The following TEX15 variants were observed in gnomAD, a reference collection of about 807,000 sequenced individuals.
TEX15 encodes testis-expressed protein 15.
A neutral mutation model predicts 237.3 loss-of-function variants in TEX15; 171 were observed. That is an observed-to-expected ratio of 0.72 (90% CI 0.64 to 0.82). The LOEUF (loss-of-function observed/expected upper bound fraction) is 0.82. Among genes scored for constraint, TEX15 ranks in the 40% least tolerant of loss-of-function variants. The pLI is 0.00. For missense variants in TEX15, 3,750 were observed against 3,646.5 expected (o/e 1.03, Z -0.73); for synonymous variants, 1,338 against 1,269.8 (o/e 1.05, Z -1.14).
In TEX15 at chr8:30,844,681, G is replaced by A. The variant is rs778620015; in HGVS notation, c.5486C>T (p.Ser1829Phe). 3.1e-6 allele frequency: 5 copies of A among 1,613,216 alleles called. No individual in the cohort carries two copies. The highest frequency in any genetic ancestry group is 3.4e-6 in the Non-Finnish European group (4 of 1,179,588). ...TTTCTTCACAATACATGTTTCTGAA[G>A]AGGAGCCTTTTACATTATCTTTTAA... Reference protein sequence around the residue: ...LLLKDNVKGSSSETCIVKKDT... With the variant: ...LLLKDNVKGSFSETCIVKKDT... The change falls in exon 8 of 11, where the codon TCT becomes TTT. Residue 1829 changes from serine to phenylalanine, a missense_variant. Physicochemically the swap from Ser to Phe is radical, Grantham distance 155. Transcript: ENST00000643185.
Position 30,847,992 on chromosome 8 carries a change from A to T in TEX15, c.2175T>A (p.Pro725=). The T allele has an allele frequency of 6.2e-7, 1 of 1,613,964 alleles. No individual in the cohort carries two copies. The highest frequency in any genetic ancestry group is 2.2e-5 in the East Asian group (1 of 44,854). The change falls in exon 8 of 11, where the codon CCT becomes CCA. Residue 725 remains proline (P), a synonymous_variant. Coordinates refer to ENST00000643185, the MANE Select transcript of TEX15 (RefSeq NM_001350162.2). The part of the protein sequence containing the change: ...PSFESLSQKH[P]QHSVEYEGNI... The stretch of plus-strand genomic sequence containing the variant: ...TACCCTCATACTCCACAGAGTGCTG[A>T]GGATGCTTTTGTGACAGGCTCTCAA...
Position 30,847,737 on chromosome 8 carries a change from A to G in TEX15, c.2430T>C (p.Asn810=), listed in dbSNP as rs1162801438. The change falls in exon 8 of 11, where the codon AAT becomes AAC. Residue 810 remains asparagine, a synonymous_variant. Coordinates refer to ENST00000643185, the MANE Select transcript of TEX15 (RefSeq NM_001350162.2). ...TREHICVHRK[N]ENEPVSLENI... ...TCTCTAATGACACTGGTTCATTTTC[A>G]TTTTTCCTATGGACACATATATGTT... The G allele has an allele frequency of 6.2e-7, 1 of 1,613,636 alleles. No homozygotes were observed. The highest frequency in any genetic ancestry group is 1.7e-5 in the Admixed American group (1 of 59,990).
chr8:30,862,953 G>A (rs1808082568), intron 5 of TEX15, among the ~76,000 whole-genome samples: 1 of 152,162 alleles, frequency 6.6e-6, no homozygotes, highest in African/African-American at 2.4e-5. Flanking sequence ...AGGTGGTGGA[G>A]TAGGAGGTAC....
chr8:30,905,961 A>ACTGCAACGCTAGACCCATTACC (rs1809095763), intron 1 of TEX15, among the ~76,000 whole-genome samples: 1 of 151,974 alleles, frequency 6.6e-6, no homozygotes, highest in Non-Finnish European at 1.5e-5. Flanking sequence ...CCCCTTACTG[A>ACTGCAACGCTAGACCCATTACC]CTGCAACGCT....
In TEX15 at chr8:30,884,161, C is replaced by T. The variant is rs765161332; in HGVS notation, c.136+3006G>A. 2.6e-5 allele frequency among the ~76,000 whole-genome samples: 4 copies of T among 152,222 alleles called. No individual in the cohort carries two copies. The South Asian group carries it at 6.2e-4, about 24-fold the overall frequency. On this transcript the variant is annotated intron_variant, in intron 3 of 10. Transcript: ENST00000643185. ...GGTGTAAAAAATTCCTATTTATCCA[C>T]GGCCTCACCAGCATCTATTGTTTCT...
Position 30,842,017 on chromosome 8 carries a change from C to A in TEX15, c.8150G>T (p.Cys2717Phe), listed in dbSNP as rs958222696. The A allele has an allele frequency of 6.3e-7, 1 of 1,576,972 alleles. No homozygotes were observed. Among genetic ancestry groups the A allele is most frequent in the Admixed American group, 2.0e-5 (1 of 50,752 alleles). Residue 2717 changes from cysteine to phenylalanine, a missense_variant, in exon 8 of 11, where the codon TGT becomes TTT. By Grantham distance (205) the Cys-to-Phe change is radical. Transcript: ENST00000643185. Reference protein sequence around the residue: ...EQQQDTTVSSCKKLKVDMKDV... With the variant: ...EQQQDTTVSSFKKLKVDMKDV... ...AAACATACATACCTTTAGCTTTTTA[C>A]AACTGGAAACAGTAGTATCTTGCTG...
intron 2 of TEX15, among the ~76,000 whole-genome samples, chr8:30,896,620 A>G (rs976782795): frequency 1.3e-5 from 2 of 152,118 alleles, no homozygotes; most frequent in South Asian, 4.1e-4. Context: ...CTTAAGTTTA[A>G]AAGATTTAGA....
chr8:30,837,738 T>C lies in TEX15; in HGVS notation c.8546A>G (p.His2849Arg), dbSNP rs1213410185. The change falls in exon 10 of 11, where the codon CAT (histidine) becomes CGT (arginine). Residue 2849 changes from histidine to arginine, a missense_variant. His to Arg is a conservative substitution (Grantham distance 29). Transcript: ENST00000643185. ...AFAICDQKSV[H>R]GTFSPDHGTL... ...CCCATGGTCTGGTGAAAATGTGCCA[T>C]GTACACTTTTTTGGTCACAAATTGC... The C allele has an allele frequency of 3.1e-6, 5 of 1,614,148 alleles. No homozygotes were observed. Among genetic ancestry groups the C allele is most frequent in the African/African-American group, 1.3e-5 (1 of 75,056 alleles).
intron 3 of TEX15, among the ~76,000 whole-genome samples, chr8:30,886,685 G>A (rs767107551): frequency 6.6e-6 from 1 of 152,110 alleles, no homozygotes; most frequent in African/African-American, 2.4e-5. Flanking sequence ...AAACGGGAGG[G>A]GTATATTTAA....
rs1228777656 is a variant in TEX15 at position 30,847,144 on chromosome 8, T to C, written c.3023A>G (p.Lys1008Arg). ...NNDDHQIYQF[K>R]ETCSSESPDF... ...TGGACTTTCAGAAGAACAAGTTTCTTTAAACTGGTATATCTGGTGATCGTC... is the reference window on the plus strand; with the variant it reads ...TGGACTTTCAGAAGAACAAGTTTCTCTAAACTGGTATATCTGGTGATCGTC... Residue 1008 changes from lysine to arginine, a missense_variant, in exon 8 of 11, where the codon AAA becomes AGA. Physicochemically the swap from Lys to Arg is conservative, Grantham distance 26. Coordinates refer to ENST00000643185, the MANE Select transcript of TEX15 (RefSeq NM_001350162.2). The C allele has an allele frequency of 5.0e-6, 8 of 1,613,746 alleles. No homozygotes were observed. The highest frequency in any genetic ancestry group is 3.3e-5 in the Admixed American group (2 of 59,996).
At chr8:30,867,185 T>C in intron 5 of TEX15, 80 bp downstream of exon 5, 1 of 543,446 alleles carries the variant, frequency 1.8e-6, no homozygotes, top group Non-Finnish European at 3.1e-6. Flanking sequence ...ACATTAACAA[T>C]TTATATCGAA....
rs1396606315 is a variant in TEX15 at position 30,846,851 on chromosome 8, A to G, written c.3316T>C (p.Leu1106=). 1.2e-6 allele frequency: 2 copies of G among 1,613,882 alleles called. No individual in the cohort carries two copies. The highest frequency in any genetic ancestry group is 1.7e-5 in the Admixed American group (1 of 59,986). Residue 1106 remains leucine (L), a synonymous_variant, in exon 8 of 11, where the codon TTA becomes CTA. Coordinates refer to ENST00000643185, the MANE Select transcript of TEX15 (RefSeq NM_001350162.2). ...TCCATCTCCCCGTTATCAAGTGCTA[A>G]CAGACCTTCCCAACTGATACGAGAC... is the stretch of plus-strand genomic sequence containing the variant. ...LKSRISWEGL[L]ALDNGEMEVL...
At chr8:30,866,726 T>TACACAC (rs148604518) in intron 5 of TEX15, among the ~76,000 whole-genome samples, 3 of 148,950 alleles carry the variant, frequency 2.0e-5, no homozygotes, top group Non-Finnish European at 4.5e-5. Flanking sequence ...GACACACACA[T>TACACAC]ACACACACAC....
At chr8:30,863,960 GA>G (rs36024087) in intron 5 of TEX15, among the ~76,000 whole-genome samples, 149,680 of 150,220 alleles carry the variant, frequency 1, 74,572 homozygotes, top group East Asian at 1. Context: ...CCATTCAAAG[GA>G]AAAAAAAAAC....
At chr8:30,854,292 T>C (rs1807856401) in intron 7 of TEX15, among the ~76,000 whole-genome samples, 1 of 145,024 alleles carries the variant, frequency 6.9e-6, no homozygotes, top group African/African-American at 2.5e-5. Context: ...AGACTCAAAC[T>C]AGTAGACTCA....
At chr8:30,868,369 T>C (rs1397703528) in intron 4 of TEX15, among the ~76,000 whole-genome samples, 3 of 151,918 alleles carry the variant, frequency 2.0e-5, no homozygotes, top group Non-Finnish European at 4.4e-5. Context: ...GGTGGTACAA[T>C]AGAGTGGTTC....
intron 7 of TEX15, among the ~76,000 whole-genome samples, chr8:30,850,379 C>A (rs907875423): frequency 1.4e-4 from 21 of 152,076 alleles, no homozygotes; most frequent in Admixed American, 1.1e-3. Flanking sequence ...ACCAAACATT[C>A]ATAGCTAAGT....
rs1162158877 is a variant in TEX15, at chr8:30,902,412, G to T, written c.-85-3595C>A. 2.0e-5 allele frequency among the ~76,000 whole-genome samples: 3 copies of T among 152,110 alleles called. No homozygotes were observed. In the East Asian group the frequency reaches 5.8e-4, roughly 29 times the overall value. On this transcript the variant is annotated intron_variant, in intron 1 of 10. Transcript: ENST00000643185. ...GGAGGGCAGGAAGGGGGGAAGATAG[G>T]CATTCAATTAACAAATTATCCAGTG...
intron 5 of TEX15, among the ~76,000 whole-genome samples, chr8:30,864,692 T>A (rs372310927): frequency 6.8e-6 from 1 of 147,254 alleles, no homozygotes; most frequent in South Asian, 2.1e-4. Context: ...CTAAAAGGAG[T>A]TGTTCAAAAC....
Sources: allele counts gnomAD v4.1 joint callset (sites outside exome capture counted in the v4.1 genomes callset), GRCh38; gene constraint gnomAD v4.1.1; transcripts MANE v1.5; gene names NCBI Gene and HGNC (gene_info 2026-07-23, HGNC 2026-07-21).